Variants in TRAM2 observed in about 807,000 individuals in gnomAD.
The protein encoded by TRAM2 is translocating chain-associated membrane protein 2.
In TRAM2, 12 loss-of-function variants were observed where a neutral mutation model predicts 51.0. The observed-to-expected ratio is 0.24, with a 90% confidence interval of 0.15 to 0.38. TRAM2 has a LOEUF of 0.38. Among genes scored for constraint, TRAM2 ranks in the 10% least tolerant of loss-of-function variants. TRAM2 has a pLI of 1.00. For missense variants in TRAM2, 361 were observed against 462.0 expected (o/e 0.78, Z 2.00); for synonymous variants, 175 against 179.4 (o/e 0.98, Z 0.20).
At chr6:52,559,519 GC>G (rs1767463323) in intron 1 of TRAM2, among the ~76,000 whole-genome samples, 2 of 152,338 alleles carry the variant, frequency 1.3e-5, no homozygotes, top group East Asian at 3.9e-4. Context: ...CACAGTATCT[GC>G]CACACAGGCT....
intron 10 of TRAM2, among the ~76,000 whole-genome samples, chr6:52,503,604 C>T (rs1002350270): frequency 2.0e-5 from 3 of 152,130 alleles, no homozygotes; most frequent in Non-Finnish European, 4.4e-5. Flanking sequence ...GGGCTAGATA[C>T]TCGCCGAAAT....
chr6:52,523,804 C>T (rs1053547264), intron 2 of TRAM2: 4 of 152,212 alleles, frequency 2.6e-5, no homozygotes, highest in African/African-American at 9.7e-5. Flanking sequence ...ATGGAAACAA[C>T]CCATGTTGTT....
chr6:52,576,878 A>G lies in TRAM2; in HGVS notation c.38T>C (p.Phe13Ser). 1 of 1,613,656 alleles carries G rather than the reference A, an allele frequency of 6.2e-7. No individual in the cohort carries two copies. The highest frequency in any genetic ancestry group is 8.5e-7 in the Non-Finnish European group (1 of 1,179,760). Residue 13 changes from phenylalanine to serine, a missense_variant, in exon 1 of 11, where the codon TTC becomes TCC. Physicochemically the swap from Phe to Ser is radical, Grantham distance 155 (BLOSUM62 -2). Coordinates refer to ENST00000182527, the MANE Select transcript of TRAM2 (RefSeq NM_012288.4). ...FRRRTKSYPL[F>S]SQEFVIHNHA... ...GTTGTGGATGACGAACTCCTGGCTG[A>G]AGAGCGGGTAACTTTTCGTCCTCCT... is the stretch of plus-strand genomic sequence containing the variant.
intron 1 of TRAM2, among the ~76,000 whole-genome samples, chr6:52,561,113 G>A (rs1581700927): frequency 6.6e-6 from 1 of 152,154 alleles, no homozygotes; most frequent in South Asian, 2.1e-4. Context: ...AACATGCTAC[G>A]TGAAAGAAGC....
At chr6:52,523,055 GCTT>G (rs1766706227) in intron 2 of TRAM2, 3 of 552,302 alleles carry the variant, frequency 5.4e-6, no homozygotes, top group Non-Finnish European at 6.4e-6. Context: ...TGCCCTAGAA[GCTT>G]CTTCTTTTGT....
rs1204048297 is a variant in TRAM2, at chr6:52,503,248, C to T, written c.1062G>A (p.Val354=). 6 of 1,614,122 alleles carry T rather than the reference C, an allele frequency of 3.7e-6. No homozygotes were observed. Among genetic ancestry groups the T allele is most frequent in the East Asian group, 2.2e-5 (1 of 44,862 alleles). The change falls in exon 11 of 11, where the codon GTG becomes GTA. Residue 354 remains valine, a synonymous_variant. Transcript: ENST00000182527. ...GTGGGGAGGTTCCGTTCTCTGCCTT[C>T]ACCACTCCATTTTCATGGTAACCTG... The part of the protein sequence containing the change: ...RESGYHENGV[V]KAENGTSPRT...
At chr6:52,519,488 A>C (rs6902285) in intron 2 of TRAM2, among the ~76,000 whole-genome samples, 111,915 of 152,082 alleles carry the variant, frequency 0.74, 41,255 homozygotes, top group East Asian at 0.94. Flanking sequence ...AAAAACAGAA[A>C]AACAACAAGT....
At chr6:52,516,957 G>C (rs1158032093) in intron 2 of TRAM2, 1 of 553,284 alleles carries the variant, frequency 1.8e-6, no homozygotes, top group Non-Finnish European at 3.3e-6. Context: ...CAAGTGCATG[G>C]CTGTATTGTC....
At chr6:52,554,511 C>A (rs1413904956) in intron 1 of TRAM2, among the ~76,000 whole-genome samples, 3 of 124,162 alleles carry the variant, frequency 2.4e-5, no homozygotes, top group African/African-American at 6.0e-5. Context: ...CAGAGTGAGA[C>A]CCCATCTCAA....
chr6:52,541,329 C>CTA (rs139380568), intron 1 of TRAM2, among the ~76,000 whole-genome samples: 2,638 of 152,240 alleles, frequency 0.017, 60 homozygotes, highest in African/African-American at 0.061. Flanking sequence ...CCACAATGAC[C>CTA]CTACAAGATA....
intron 1 of TRAM2, among the ~76,000 whole-genome samples, chr6:52,543,542 A>T (rs948797877): frequency 5.3e-5 from 8 of 152,204 alleles, no homozygotes; most frequent in African/African-American, 1.9e-4. Context: ...TAATAACATA[A>T]AAAAGAAAGG....
chr6:52,557,342 C>G (rs1278978717), intron 1 of TRAM2, among the ~76,000 whole-genome samples: 1 of 152,180 alleles, frequency 6.6e-6, no homozygotes, highest in East Asian at 1.9e-4. Flanking sequence ...TTCAGGTACT[C>G]TGAACAAATA....
intron 2 of TRAM2, among the ~76,000 whole-genome samples, chr6:52,520,383 G>C (rs1766648167): frequency 6.6e-6 from 1 of 152,230 alleles, no homozygotes; most frequent in Non-Finnish European, 1.5e-5. Flanking sequence ...GAATGGGTTA[G>C]AGTGGCAAGG....
intron 1 of TRAM2, among the ~76,000 whole-genome samples, chr6:52,567,896 A>G (rs1358279998): frequency 6.6e-6 from 1 of 152,260 alleles, no homozygotes; most frequent in South Asian, 2.1e-4. Context: ...ATGGAGCACA[A>G]TGTTTGCCTA....
intron 10 of TRAM2, among the ~76,000 whole-genome samples, chr6:52,503,819 T>TGC (rs1766287403): frequency 6.6e-6 from 1 of 152,214 alleles, no homozygotes; most frequent in Admixed American, 6.5e-5. Flanking sequence ...AATACCTCCG[T>TGC]GCGCTTGCTC....
chr6:52,516,373 GC>G, intron 3 of TRAM2: 1 of 592,856 alleles, frequency 1.7e-6, no homozygotes, highest in Non-Finnish European at 3.0e-6. Context: ...TACTCAATGT[GC>G]CCCAGACCCA....
chr6:52,508,183 G>A (rs774145259), intron 6 of TRAM2, 51 bp downstream of exon 6: 5 of 1,544,218 alleles, frequency 3.2e-6, no homozygotes, highest in Middle Eastern at 3.4e-4. Flanking sequence ...AATAGCAGGA[G>A]GGGAGTGGTC....
chr6:52,566,026 G>A (rs1179658310), intron 1 of TRAM2, among the ~76,000 whole-genome samples: 1 of 152,178 alleles, frequency 6.6e-6, no homozygotes, highest in Non-Finnish European at 1.5e-5. Context: ...CTAACTGACT[G>A]GGTCCCTACC....
At chr6:52,576,568 G>C (rs988735948) in intron 1 of TRAM2, among the ~76,000 whole-genome samples, 2 of 152,220 alleles carry the variant, frequency 1.3e-5, no homozygotes, top group African/African-American at 4.8e-5. Flanking sequence ...AGTGCCCAAG[G>C]GGGCGGCAGA....
Sources: gnomAD v4.1 joint callset for allele counts (sites outside exome capture counted in the v4.1 genomes callset) on GRCh38, gnomAD v4.1.1 for gene constraint, MANE v1.5 for transcripts, NCBI Gene and HGNC (gene_info 2026-07-23, HGNC 2026-07-21) for gene names.